Variants in RGS7 observed in about 807,000 individuals in gnomAD.
RGS7 encodes the protein regulator of G-protein signaling 7.
RGS7 carries 27 observed loss-of-function variants against 81.1 expected under a neutral mutation model. That is an observed-to-expected ratio of 0.33 (90% CI 0.25 to 0.46). The LOEUF (loss-of-function observed/expected upper bound fraction) is 0.46, where lower values mean the gene tolerates loss of function less well. Ranked by LOEUF, RGS7 falls within the 20% of genes least tolerant of loss-of-function variation. RGS7 has a pLI of 1.00. For missense variants in RGS7, 396 were observed against 607.4 expected (o/e 0.65, Z 3.66); for synonymous variants, 208 against 207.7 (o/e 1.00, Z -0.01).
chr1:240,953,338 TTG>T (rs1164583015), intron 4 of RGS7, among the ~76,000 whole-genome samples: 1 of 151,912 alleles, frequency 6.6e-6, no homozygotes, highest in East Asian at 1.9e-4. Context: ...CAAACACATC[TTG>T]TGTCATAAAA....
intron 3 of RGS7, among the ~76,000 whole-genome samples, chr1:240,999,062 TTAG>T (rs1157991011): frequency 6.6e-6 from 1 of 152,190 alleles, no homozygotes; most frequent in Non-Finnish European, 1.5e-5. Context: ...TTTCACTGAC[TTAG>T]TGGTTTCTTC....
chr1:240,905,124 T>C (rs527372726), intron 6 of RGS7, among the ~76,000 whole-genome samples: 7 of 152,298 alleles, frequency 4.6e-5, no homozygotes, highest in African/African-American at 9.6e-5. Flanking sequence ...AAGAATAATA[T>C]GATTTGCAAA....
intron 3 of RGS7, among the ~76,000 whole-genome samples, chr1:241,041,146 G>C (rs1368475924): frequency 6.6e-6 from 1 of 152,044 alleles, no homozygotes; most frequent in Non-Finnish European, 1.5e-5. Context: ...ACTGAAAAAA[G>C]ACCTACTTAG....
At chr1:240,946,328 C>A (rs923256415) in intron 4 of RGS7, among the ~76,000 whole-genome samples, 2 of 152,132 alleles carry the variant, frequency 1.3e-5, no homozygotes, top group African/African-American at 2.4e-5. Context: ...TCAGGCTGGG[C>A]ATGGTGGCTC....
chr1:241,018,752 AG>A (rs1316709178), intron 3 of RGS7, among the ~76,000 whole-genome samples: 1 of 152,036 alleles, frequency 6.6e-6, no homozygotes, highest in Non-Finnish European at 1.5e-5. Context: ...TCCCTCCTCA[AG>A]GGGTAGAGGT....
Position 240,976,489 on chromosome 1 carries a change from A to G in RGS7, c.226+6590T>C, listed in dbSNP as rs114507611. Among the ~76,000 whole-genome samples the G allele has an allele frequency of 3.5e-3, 536 of 152,316 alleles. 1 individual carries two copies. The highest frequency in any genetic ancestry group is 0.012 in the African/African-American group (515 of 41,572). On this transcript the variant is annotated intron_variant, in intron 4 of 18. Coordinates refer to ENST00000440928, the MANE Select transcript of RGS7 (RefSeq NM_001364886.1). ...GTGAAGGTATTTTTGGATGAGATTA[A>G]TATTTGAATTAGTAGACTTTGAGTA...
intron 2 of RGS7, among the ~76,000 whole-genome samples, chr1:241,161,347 T>G (rs2069640262): frequency 6.6e-6 from 1 of 152,052 alleles, no homozygotes. Context: ...ACCTAACTGG[T>G]GTTTTTAAGA....
At chr1:241,081,706 TC>T (rs1209409315) in intron 3 of RGS7, among the ~76,000 whole-genome samples, 1 of 152,230 alleles carries the variant, frequency 6.6e-6, no homozygotes, top group African/African-American at 2.4e-5. Context: ...GGAGTCTTTT[TC>T]AGAGAGTACT....
intron 2 of RGS7, among the ~76,000 whole-genome samples, chr1:241,120,408 C>T (rs1171948002): frequency 6.6e-6 from 1 of 152,238 alleles, no homozygotes; most frequent in East Asian, 1.9e-4. Flanking sequence ...AGTGCAGTGG[C>T]ACTATCACAG....
intron 2 of RGS7, among the ~76,000 whole-genome samples, chr1:241,110,960 T>G (rs552280760): frequency 6.6e-6 from 1 of 152,124 alleles, no homozygotes; most frequent in Non-Finnish European, 1.5e-5. Context: ...TCTGGGATTA[T>G]GGGAGTGAGC....
At chr1:241,011,175 A>G (rs560396909) in intron 3 of RGS7, among the ~76,000 whole-genome samples, 9 of 152,214 alleles carry the variant, frequency 5.9e-5, no homozygotes, top group African/African-American at 2.2e-4. Context: ...TTTGTTTTTC[A>G]CATTTTTAAA....
chr1:240,954,731 A>G (rs991483166), intron 4 of RGS7, among the ~76,000 whole-genome samples: 5 of 152,188 alleles, frequency 3.3e-5, no homozygotes, highest in Non-Finnish European at 5.9e-5. Flanking sequence ...TCAACATTGT[A>G]TTGGAAACTC....
intron 2 of RGS7, among the ~76,000 whole-genome samples, chr1:241,201,823 C>T (rs565034402): frequency 4.2e-4 from 64 of 152,112 alleles, no homozygotes; most frequent in Admixed American, 1.0e-3. Flanking sequence ...GTGAAGTAAA[C>T]GTAGGAGCCA....
chr1:241,227,184 G>A (rs1171638198), intron 2 of RGS7, among the ~76,000 whole-genome samples: 3 of 152,262 alleles, frequency 2.0e-5, no homozygotes, highest in East Asian at 1.9e-4. Context: ...ACGTGCACAC[G>A]TGCACTGAGA....
chr1:240,814,161 T>C (rs1690377633), intron 12 of RGS7, among the ~76,000 whole-genome samples: 1 of 152,240 alleles, frequency 6.6e-6, no homozygotes, highest in South Asian at 2.1e-4. Context: ...CTGACAAGTT[T>C]TTTAAATGTA....
At position 240,944,254 on chromosome 1, in the gene RGS7, T is replaced by C. The variant is rs1170875924; in HGVS notation, c.227-7548A>G. ...CCAATCCTTTAACAAGATTCTGTTA[T>C]ATTATATGTGTGTGTGTGTGTGTGT... On this transcript the variant is annotated intron_variant, in intron 4 of 18. Transcript: ENST00000440928. 2.3e-5 allele frequency among the ~76,000 whole-genome samples: 3 copies of C among 131,312 alleles called. 1 individual carries two copies. The highest frequency in any genetic ancestry group is 9.5e-5 in the African/African-American group (3 of 31,666). The allele number at this position is 131,312 out of a possible 152,430, so 86.1% of individuals were successfully genotyped here. A position where few individuals can be genotyped will look rare whatever the true frequency, so the allele number is the denominator to read the frequency against.
chr1:240,993,235 AGAAAGAAAGAGAG>A (rs1686773986), intron 3 of RGS7, among the ~76,000 whole-genome samples: 1 of 149,290 alleles, frequency 6.7e-6, no homozygotes, highest in Non-Finnish European at 1.5e-5. Flanking sequence ...GGAAAGAAGG[AGAAAGAAAGAGAG>A]GAAAGAAAGA....
At chr1:241,102,968 T>G (rs1184847049) in intron 2 of RGS7, among the ~76,000 whole-genome samples, 1 of 146,462 alleles carries the variant, frequency 6.8e-6, no homozygotes, top group Non-Finnish European at 1.5e-5. Context: ...TTCCCACTAT[T>G]AGCAACAGCA....
chr1:240,783,572 G>A (rs1173214392), intron 18 of RGS7, among the ~76,000 whole-genome samples: 4 of 151,518 alleles, frequency 2.6e-5, no homozygotes, highest in East Asian at 2.0e-4. Context: ...GCAGTGAGCC[G>A]AGATTGCGCC....
Sources: gnomAD v4.1 joint callset for allele counts (sites outside exome capture counted in the v4.1 genomes callset) on GRCh38, gnomAD v4.1.1 for gene constraint, MANE v1.5 for transcripts, NCBI Gene and HGNC (gene_info 2026-07-23, HGNC 2026-07-21) for gene names.